The following FLRT2 variants were observed in gnomAD, a reference collection of about 807,000 sequenced individuals.
The protein encoded by FLRT2 is leucine-rich repeat transmembrane protein FLRT2.
FLRT2 carries 15 observed loss-of-function variants against 40.0 expected under a neutral mutation model. The ratio of observed to expected loss-of-function variants is 0.38; its 90% CI spans 0.25 to 0.58. The LOEUF (loss-of-function observed/expected upper bound fraction) is 0.58, where lower values mean the gene tolerates loss of function less well. FLRT2 is among the 20% of genes least tolerant of loss of function. The pLI, the probability that FLRT2 is intolerant of heterozygous loss-of-function variation, is 0.71. For synonymous variants in FLRT2, 380 were observed against 336.8 expected (o/e 1.13, Z -1.41); for missense variants, 726 against 840.0 (o/e 0.86, Z 1.68).
rs74070170 is a variant in FLRT2, at chr14:85,600,483, A to G, written c.-376-20656A>G. 9.7e-3 allele frequency among the ~76,000 whole-genome samples: 1,475 copies of G among 152,248 alleles called. 23 individuals are homozygous for G. Among genetic ancestry groups the G allele is most frequent in the African/African-American group, 0.033 (1,368 of 41,530 alleles). ...CCCACGTTTATGTGCAGGGAAGAAA[A>G]CAGGCATGGTCAGAAAAAGGAAGAC... On this transcript the variant is annotated intron_variant, in intron 1 of 1. Coordinates refer to ENST00000330753, the MANE Select transcript of FLRT2 (RefSeq NM_013231.6).
At chr14:85,596,237 A>G (rs1246954964) in intron 1 of FLRT2, among the ~76,000 whole-genome samples, 1 of 152,242 alleles carries the variant, frequency 6.6e-6, no homozygotes, top group East Asian at 1.9e-4. Context: ...CTTCTCTTCC[A>G]GATCTGGAGA....
Position 85,631,112 on chromosome 14 carries a change from T to TTATATATATATATATATATATATATATA in FLRT2, c.*7632_*7633insATATATATATATATATATATATATATAT, listed in dbSNP as rs66700454. The TTATATATATATATATATATATATATATA allele has an allele frequency of 0.032, 2,929 of 91,304 alleles. 292 individuals are homozygous for TTATATATATATATATATATATATATATA. Among genetic ancestry groups the TTATATATATATATATATATATATATATA allele is most frequent in the African/African-American group, 0.057 (952 of 16,632 alleles). The allele number at this position is 91,304 out of a possible 1,614,324, so 5.7% of individuals were successfully genotyped here. The stretch of plus-strand genomic sequence containing the variant: ...TATAATTACATATATAATCTAGATT[T>TTATATATATATATATATATATATATATA]TATATATATATATATATGAAATGAG... On this transcript the variant is annotated 3_prime_UTR_variant, in exon 2 of 2. Coordinates refer to ENST00000330753, the MANE Select transcript of FLRT2 (RefSeq NM_013231.6).
At chr14:85,615,126 G>A (rs766136549) in intron 1 of FLRT2, among the ~76,000 whole-genome samples, 1 of 152,204 alleles carries the variant, frequency 6.6e-6, no homozygotes, top group Non-Finnish European at 1.5e-5. Flanking sequence ...GCAGGCAGTA[G>A]TTGACGTGGA....
At chr14:85,617,759 A>G (rs941827279) in intron 1 of FLRT2, among the ~76,000 whole-genome samples, 1 of 152,202 alleles carries the variant, frequency 6.6e-6, no homozygotes, top group Non-Finnish European at 1.5e-5. Flanking sequence ...AATCTGCTAC[A>G]TGCTGTTATT....
chr14:85,532,493 C>A (rs981833482), intron 1 of FLRT2, among the ~76,000 whole-genome samples: 1 of 152,150 alleles, frequency 6.6e-6, no homozygotes, highest in African/African-American at 2.4e-5. Flanking sequence ...AAAGAGACTG[C>A]GAAGTGGAAA....
rs1894274353 is a variant in FLRT2, at chr14:85,645,434, A to G, written c.*21937A>G. 6.6e-6 allele frequency: 1 copy of G among 152,002 alleles called. No individual in the cohort carries two copies. Among genetic ancestry groups the G allele is most frequent in the Non-Finnish European group, 1.5e-5 (1 of 67,974 alleles). 9.4% of individuals were successfully genotyped at this position (152,002 alleles called of 1,614,324 possible). A position where few individuals can be genotyped will look rare whatever the true frequency, so the allele number is the denominator to read the frequency against. On this transcript the variant is annotated 3_prime_UTR_variant, in exon 2 of 2. Transcript: ENST00000330753. ...TTAATTGGCACTTTTTCTTCAACCC[A>G]TACCTGCTTCTCAGAGAAACTATAG...
intron 1 of FLRT2, among the ~76,000 whole-genome samples, chr14:85,591,932 A>G (rs999250351): frequency 3.3e-5 from 5 of 152,228 alleles, no homozygotes; most frequent in Non-Finnish European, 7.3e-5. Context: ...TTATGCTTAT[A>G]TAGAATGCTA....
chr14:85,611,163 T>A lies in FLRT2; in HGVS notation c.-376-9976T>A, dbSNP rs9323771. On this transcript the variant is annotated intron_variant, in intron 1 of 1. Coordinates refer to ENST00000330753, the MANE Select transcript of FLRT2 (RefSeq NM_013231.6). ...CACCTGCCTTGGCCTCCCAAATTGCTGGGATTACGGGCCTTCTTGCTTTCT... is the reference window on the plus strand; with the variant it reads ...CACCTGCCTTGGCCTCCCAAATTGCAGGGATTACGGGCCTTCTTGCTTTCT... Among the ~76,000 whole-genome samples the A allele has an allele frequency of 5.2e-3, 795 of 152,270 alleles. 10 individuals carry two copies. Among genetic ancestry groups the A allele is most frequent in the African/African-American group, 0.018 (747 of 41,548 alleles).
intron 1 of FLRT2, among the ~76,000 whole-genome samples, chr14:85,595,349 C>T (rs1892086303): frequency 6.7e-6 from 1 of 148,386 alleles, no homozygotes; most frequent in Non-Finnish European, 1.5e-5. Context: ...TAAATTTAAG[C>T]AAATGAATTT....
intron 1 of FLRT2, among the ~76,000 whole-genome samples, chr14:85,532,111 G>C (rs117092186): frequency 3.3e-5 from 5 of 152,264 alleles, no homozygotes. Flanking sequence ...GTGCGGTCGC[G>C]CCTGGGGCGC....
intron 1 of FLRT2, among the ~76,000 whole-genome samples, chr14:85,575,503 C>T (rs548263393): frequency 1.3e-5 from 2 of 152,134 alleles, no homozygotes; most frequent in Non-Finnish European, 2.9e-5. Flanking sequence ...GGAAATAAAA[C>T]AGTTGTCTGT....
chr14:85,650,611 T>A lies in FLRT2; in HGVS notation c.*27114T>A, dbSNP rs571467288. On this transcript the variant is annotated 3_prime_UTR_variant, in exon 2 of 2. Transcript: ENST00000330753. Reference sequence around the variant, plus strand: ...TAAAATGTGAGTTTCCACTTTCACATGCTTGCCATTTCCTATTGCAAAACA... The same window carrying A: ...TAAAATGTGAGTTTCCACTTTCACAAGCTTGCCATTTCCTATTGCAAAACA... 6.6e-6 allele frequency: 1 copy of A among 152,116 alleles called. No individual in the cohort carries two copies. Among genetic ancestry groups the A allele is most frequent in the Admixed American group, 6.6e-5 (1 of 15,258 alleles). 9.4% of individuals were successfully genotyped at this position (152,116 alleles called of 1,614,324 possible).
chr14:85,588,653 A>G (rs890060161), intron 1 of FLRT2, among the ~76,000 whole-genome samples: 5 of 152,120 alleles, frequency 3.3e-5, no homozygotes, highest in African/African-American at 1.2e-4. Flanking sequence ...TTTAAAATGT[A>G]CGGTTAAGTT....
rs1894034108 is a variant in FLRT2 at position 85,637,311 on chromosome 14, T to C, written c.*13814T>C. On this transcript the variant is annotated 3_prime_UTR_variant, in exon 2 of 2. Coordinates refer to ENST00000330753, the MANE Select transcript of FLRT2 (RefSeq NM_013231.6). Reference sequence around the variant, plus strand: ...AAGAATCACCATGGCATAGACATGGTAGGAAAAGCATTAGCTTTGGCGTTC... The same window carrying C: ...AAGAATCACCATGGCATAGACATGGCAGGAAAAGCATTAGCTTTGGCGTTC... 1 of 152,198 alleles carries C rather than the reference T, an allele frequency of 6.6e-6. No individual in the cohort carries two copies. The highest frequency in any genetic ancestry group is 2.4e-5 in the African/African-American group (1 of 41,442). 9.4% of individuals were successfully genotyped at this position (152,198 alleles called of 1,614,324 possible). A position where few individuals can be genotyped will look rare whatever the true frequency, so the allele number is the denominator to read the frequency against.
intron 1 of FLRT2, among the ~76,000 whole-genome samples, chr14:85,596,337 G>A (rs1892136508): frequency 1.3e-5 from 2 of 152,140 alleles, no homozygotes; most frequent in South Asian, 4.1e-4. Context: ...ATAGAATCAG[G>A]CGTTTCTGTA....
In FLRT2 at chr14:85,622,499, C is replaced by G; in HGVS notation, c.985C>G (p.Pro329Ala). 6.2e-7 allele frequency: 1 copy of G among 1,613,882 alleles called. No individual in the cohort carries two copies. Among genetic ancestry groups the G allele is most frequent in the Non-Finnish European group, 8.5e-7 (1 of 1,180,006 alleles). Reference protein sequence around the residue: ...KWVTEWLKYIPSSLNVRGFMC... With the variant: ...KWVTEWLKYIASSLNVRGFMC... Reference sequence around the variant, plus strand: ...GGTCACAGAATGGCTCAAATATATCCCTTCATCTCTCAACGTGCGGGGTTT... The same window carrying G: ...GGTCACAGAATGGCTCAAATATATCGCTTCATCTCTCAACGTGCGGGGTTT... The change falls in exon 2 of 2, where the codon CCT (proline) becomes GCT (alanine). Residue 329 changes from proline to alanine, a missense_variant. By Grantham distance (27) the Pro-to-Ala change is conservative. This residue lies in a region of FLRT2 where 611 missense variants were observed against 690.0 expected (regional missense o/e 0.89). Transcript: ENST00000330753.
intron 1 of FLRT2, among the ~76,000 whole-genome samples, chr14:85,543,333 A>G (rs746067148): frequency 1.3e-5 from 2 of 152,042 alleles, no homozygotes; most frequent in Non-Finnish European, 2.9e-5. Flanking sequence ...TGACTTTCTG[A>G]AAGTTTTTCT....
At chr14:85,592,562 G>A (rs569707025) in intron 1 of FLRT2, among the ~76,000 whole-genome samples, 4 of 152,196 alleles carry the variant, frequency 2.6e-5, no homozygotes, top group Non-Finnish European at 4.4e-5. Flanking sequence ...GCCAAGGTGA[G>A]CAGATCACCT....
chr14:85,561,683 G>T (rs1890330410), intron 1 of FLRT2, among the ~76,000 whole-genome samples: 1 of 152,156 alleles, frequency 6.6e-6, no homozygotes, highest in South Asian at 2.1e-4. Context: ...AGCCAATAAA[G>T]TTACAGAATG....
Sources: allele counts gnomAD v4.1 joint callset (sites outside exome capture counted in the v4.1 genomes callset), GRCh38; gene constraint gnomAD v4.1.1; regional missense constraint gnomAD v4.1.1; transcripts MANE v1.5; gene names NCBI Gene and HGNC (gene_info 2026-07-23, HGNC 2026-07-21).